Variants in OCA2 observed in about 807,000 individuals in gnomAD.
The protein encoded by OCA2 is OCA2 melanosomal transmembrane protein.
In OCA2, 77 loss-of-function variants were observed where a neutral mutation model predicts 100.2. That is an observed-to-expected ratio of 0.77 (90% CI 0.64 to 0.93). OCA2 has a LOEUF of 0.93. Among genes scored for constraint, OCA2 ranks in the 40% least tolerant of loss-of-function variants. The pLI is 0.00. For synonymous variants in OCA2, 432 were observed against 439.2 expected (o/e 0.98, Z 0.21); for missense variants, 1,062 against 1,089.1 (o/e 0.98, Z 0.35).
At chr15:27,853,435 A>C (rs1310884593) in intron 21 of OCA2, among the ~76,000 whole-genome samples, 1 of 72,326 alleles carries the variant, frequency 1.4e-5, no homozygotes. Flanking sequence ...GGGTGGGGGG[A>C]GGGGGGAGGG....
At chr15:27,757,054 G>A (rs952915272) in intron 23 of OCA2, among the ~76,000 whole-genome samples, 1 of 152,174 alleles carries the variant, frequency 6.6e-6, no homozygotes, top group African/African-American at 2.4e-5. Context: ...CACTCTCCAT[G>A]CACAGGACCC....
chr15:27,920,711 A>G (rs1444875327), intron 19 of OCA2, among the ~76,000 whole-genome samples: 2 of 152,160 alleles, frequency 1.3e-5, no homozygotes, highest in African/African-American at 4.8e-5. Flanking sequence ...GGAAATAAAA[A>G]TTATTTTTAA....
At chr15:27,776,055 T>C (rs1000738901) in intron 23 of OCA2, among the ~76,000 whole-genome samples, 8 of 152,254 alleles carry the variant, frequency 5.3e-5, no homozygotes, top group African/African-American at 1.7e-4. Flanking sequence ...TGCTCCAACA[T>C]TGAGTTTAGT....
At chr15:27,945,269 T>C (rs2140532338) in intron 18 of OCA2, among the ~76,000 whole-genome samples, 1 of 152,330 alleles carries the variant, frequency 6.6e-6, no homozygotes, top group African/African-American at 2.4e-5. Context: ...CAGAATTTCC[T>C]GTGCTAGGAG....
intron 2 of OCA2, among the ~76,000 whole-genome samples, chr15:28,076,281 GA>G (rs2044423343): frequency 6.6e-6 from 1 of 152,140 alleles, no homozygotes; most frequent in South Asian, 2.1e-4. Context: ...ACTTGATAAT[GA>G]AATACAGTAA....
chr15:28,061,114 G>A (rs910261756), intron 2 of OCA2, among the ~76,000 whole-genome samples: 2 of 152,214 alleles, frequency 1.3e-5, no homozygotes, highest in Admixed American at 1.3e-4. Flanking sequence ...CAAGCACAGG[G>A]CTGTACGTGT....
In OCA2 at chr15:27,957,679, T is replaced by C; in HGVS notation, c.1693A>G (p.Ser565Gly). The C allele has an allele frequency of 6.2e-7, 1 of 1,613,106 alleles. No homozygotes were observed. Reference protein sequence around the residue: ...RLTAQRISPASREETAVRRLL... With the variant: ...RLTAQRISPAGREETAVRRLL... The stretch of plus-strand genomic sequence containing the variant: ...CGGCGCACAGCTGTCTCCTCGCGGC[T>C]GGCCGGGCTGATGCGCTGAGCAGTC... Residue 565 changes from serine (S) to glycine (G), a missense_variant, in exon 16 of 24, where the codon AGC (serine) becomes GGC (glycine). Transcript: ENST00000354638. The surrounding 1 kb of genome is among the most constrained non-coding windows in gnomAD (Gnocchi z 4.3).
intron 10 of OCA2, among the ~76,000 whole-genome samples, chr15:27,990,045 G>A (rs767278770): frequency 4.6e-5 from 7 of 152,066 alleles, no homozygotes; most frequent in Non-Finnish European, 8.8e-5. Flanking sequence ...TTCCAGCACT[G>A]CCTCTCAGAC....
chr15:27,777,245 C>G (rs1015632904), intron 23 of OCA2, among the ~76,000 whole-genome samples: 6 of 152,170 alleles, frequency 3.9e-5, no homozygotes, highest in African/African-American at 1.2e-4. Flanking sequence ...TAAGGGAGAG[C>G]AGGAAGGGTC....
chr15:27,828,545 C>A (rs566134020), intron 23 of OCA2, among the ~76,000 whole-genome samples: 5 of 152,296 alleles, frequency 3.3e-5, no homozygotes, highest in African/African-American at 1.2e-4. Flanking sequence ...TTGCCTCAAA[C>A]TCTCAGCTGT....
chr15:27,845,660 C>CCA (rs201684552), intron 22 of OCA2, among the ~76,000 whole-genome samples: 2,599 of 152,204 alleles, frequency 0.017, 85 homozygotes, highest in African/African-American at 0.059. Flanking sequence ...ATCCAACCCC[C>CCA]CACACACACT....
chr15:27,738,183 C>T, the OCA2 span, among the ~76,000 whole-genome samples: 1 of 152,106 alleles, frequency 6.6e-6, no homozygotes, highest in African/African-American at 2.4e-5. Context: ...ACACCAAAAA[C>T]CAAACAAAGC....
rs1040865059 is a variant in OCA2 at position 28,043,009 on chromosome 15, A to C, written c.228-10846T>G. Among the ~76,000 whole-genome samples the C allele has an allele frequency of 6.6e-5, 10 of 152,224 alleles. No individual in the cohort carries two copies. Among genetic ancestry groups the C allele is most frequent in the Non-Finnish European group, 1.3e-4 (9 of 68,036 alleles). ...TTAATATTTTTAAGAGAATGTCTAC[A>C]AACTGTTTTTAAAATGCTTCCAGAC... On this transcript the variant is annotated intron_variant, in intron 2 of 23. Transcript: ENST00000354638. The surrounding 1 kb of genome is among the most constrained non-coding windows in gnomAD (Gnocchi z 4.4).
intron 1 of OCA2, among the ~76,000 whole-genome samples, chr15:28,095,075 C>T (rs890438054): frequency 1.3e-5 from 2 of 152,264 alleles, no homozygotes; most frequent in African/African-American, 4.8e-5. Flanking sequence ...AGCGGTGCTG[C>T]CGGCGCTCAA....
chr15:27,812,749 G>A (rs544533326), intron 23 of OCA2, among the ~76,000 whole-genome samples: 85 of 152,300 alleles, frequency 5.6e-4, no homozygotes, highest in African/African-American at 2.0e-3. Context: ...CATGTGATGT[G>A]AGGATTCCCT....
intron 15 of OCA2, among the ~76,000 whole-genome samples, chr15:27,966,010 G>A (rs575768279): frequency 3.9e-5 from 6 of 152,016 alleles, no homozygotes; most frequent in Admixed American, 2.0e-4. Flanking sequence ...TCACTCTGTC[G>A]CCCAGGCTGG....
At chr15:27,882,574 G>A (rs1414294785) in intron 19 of OCA2, among the ~76,000 whole-genome samples, 2 of 152,104 alleles carry the variant, frequency 1.3e-5, no homozygotes, top group Non-Finnish European at 2.9e-5. Flanking sequence ...TTTTCCCTTG[G>A]AAATTTATTA....
At chr15:28,083,547 A>G (rs918422792) in intron 1 of OCA2, among the ~76,000 whole-genome samples, 38 of 152,262 alleles carry the variant, frequency 2.5e-4, no homozygotes, top group African/African-American at 8.2e-4. Context: ...ACAAATGTAC[A>G]TACCAGCTAT....
chr15:27,913,469 G>T (rs2038477809), intron 19 of OCA2, among the ~76,000 whole-genome samples: 1 of 151,930 alleles, frequency 6.6e-6, no homozygotes, highest in Non-Finnish European at 1.5e-5. Context: ...ATCCAAAAAT[G>T]TCTTGCTTGC....
Sources: gnomAD v4.1 joint callset for allele counts (sites outside exome capture counted in the v4.1 genomes callset) on GRCh38, gnomAD v4.1.1 for gene constraint, Gnocchi (gnomAD v3.1) non-coding constraint, MANE v1.5 for transcripts, NCBI Gene and HGNC (gene_info 2026-07-23, HGNC 2026-07-21) for gene names.